The following RYR2 variants were observed in gnomAD, a reference collection of about 807,000 sequenced individuals.
RYR2 encodes cardiac muscle ryanodine receptor-calcium release channel.
In RYR2, 227 loss-of-function variants were observed where a neutral mutation model predicts 601.1. The ratio of observed to expected loss-of-function variants is 0.38; its 90% CI spans 0.34 to 0.42. The LOEUF (loss-of-function observed/expected upper bound fraction) is 0.42. Among genes scored for constraint, RYR2 ranks in the 10% least tolerant of loss-of-function variants. The pLI is 1.00. For missense variants in RYR2, 4,646 were observed against 6,156.5 expected, an observed-to-expected ratio of 0.75 and a Z score of 8.21; for synonymous variants, 2,223 against 2,175.1, an observed-to-expected ratio of 1.02 and a Z score of -0.61.
At chr1:237,574,002 G>A (rs2618677) in intron 29 of RYR2, among the ~76,000 whole-genome samples, 92,745 of 151,780 alleles carry the variant, frequency 0.61, 30,058 homozygotes, top group Non-Finnish European at 0.71. Flanking sequence ...TCAAAACCAC[G>A]CTTACATGGT....
intron 1 of RYR2, among the ~76,000 whole-genome samples, chr1:237,171,825 G>T (rs1274858245): frequency 6.6e-6 from 1 of 152,280 alleles, no homozygotes; most frequent in African/African-American, 2.4e-5. Context: ...TCCCAAACAG[G>T]TTAAAGATTA....
At chr1:237,650,718 C>G (rs948854526) in intron 50 of RYR2, among the ~76,000 whole-genome samples, 1 of 152,202 alleles carries the variant, frequency 6.6e-6, no homozygotes, top group Non-Finnish European at 1.5e-5. Flanking sequence ...CTCAGGGACT[C>G]TTGCAGGTGC....
intron 45 of RYR2, 77 bp downstream of exon 45, chr1:237,638,569 C>T: frequency 1.4e-6 from 2 of 1,465,214 alleles, no homozygotes; most frequent in Non-Finnish European, 1.9e-6. Flanking sequence ...CATCTCAGCA[C>T]TTTCATGAAG....
intron 16 of RYR2, among the ~76,000 whole-genome samples, chr1:237,462,025 C>T (rs1267090519): frequency 6.6e-6 from 1 of 152,046 alleles, no homozygotes; most frequent in African/African-American, 2.4e-5. Flanking sequence ...GCCACATATA[C>T]CTAAATATAT....
intron 1 of RYR2, among the ~76,000 whole-genome samples, chr1:237,044,658 G>A (rs1464182651): frequency 1.7e-5 from 2 of 118,626 alleles, no homozygotes; most frequent in African/African-American, 6.0e-5. Context: ...TTTTTTTTTG[G>A]TATAGCATTA....
At chr1:237,639,627 C>G (rs935321483) in intron 46 of RYR2, among the ~76,000 whole-genome samples, 1 of 152,098 alleles carries the variant, frequency 6.6e-6, no homozygotes, top group Non-Finnish European at 1.5e-5. Flanking sequence ...GTGGTAAAAC[C>G]TAGAAAAGGT....
At chr1:237,802,229 A>T (rs375370143) in intron 98 of RYR2, 10 of 194,728 alleles carry the variant, frequency 5.1e-5, no homozygotes, top group East Asian at 4.8e-4. Context: ...GAAACTCCTA[A>T]ATAATTTTAA....
At chr1:237,625,549 G>A in intron 39 of RYR2, 112 bp from the exon 40 acceptor site, 2 of 1,057,292 alleles carry the variant, frequency 1.9e-6, no homozygotes, top group Non-Finnish European at 2.7e-6. Flanking sequence ...AATGTTAGAT[G>A]TTTTTGACAT....
chr1:237,520,735 G>A (rs947165466), intron 24 of RYR2, among the ~76,000 whole-genome samples: 1 of 152,136 alleles, frequency 6.6e-6, no homozygotes, highest in Non-Finnish European at 1.5e-5. Context: ...GCAATAACAA[G>A]TAGCAAGACT....
At chr1:237,397,470 G>T (rs1256389382) in intron 10 of RYR2, among the ~76,000 whole-genome samples, 2 of 152,160 alleles carry the variant, frequency 1.3e-5, no homozygotes, top group Non-Finnish European at 1.5e-5. Flanking sequence ...TGAATACATG[G>T]AGGTGATATA....
At chr1:237,711,344 A>C (rs560753384) in intron 70 of RYR2, among the ~76,000 whole-genome samples, 39 of 152,332 alleles carry the variant, frequency 2.6e-4, no homozygotes, top group African/African-American at 9.4e-4. Context: ...GTATTTTAAA[A>C]ACAGGTAAAA....
chr1:237,459,974 C>T (rs935244564), intron 16 of RYR2, among the ~76,000 whole-genome samples: 1 of 152,144 alleles, frequency 6.6e-6, no homozygotes, highest in Non-Finnish European at 1.5e-5. Flanking sequence ...AATACCCAAA[C>T]CCAAACTGGC....
chr1:237,676,674 C>T (rs1425950531), intron 60 of RYR2, among the ~76,000 whole-genome samples: 3 of 152,116 alleles, frequency 2.0e-5, no homozygotes, highest in Non-Finnish European at 4.4e-5. Context: ...CTCCCTTTAT[C>T]CTTCACTTTG....
intron 27 of RYR2, among the ~76,000 whole-genome samples, chr1:237,566,329 C>A (rs1672081165): frequency 6.6e-6 from 1 of 152,198 alleles, no homozygotes; most frequent in Admixed American, 6.5e-5. Context: ...ATTCCCCAGT[C>A]TCTCCAGCGC....
At chr1:237,073,945 AT>A (rs1664696070) in intron 1 of RYR2, among the ~76,000 whole-genome samples, 1 of 152,092 alleles carries the variant, frequency 6.6e-6, no homozygotes, top group Non-Finnish European at 1.5e-5. Flanking sequence ...ATTATACAAA[AT>A]ATATGGTTAA....
At chr1:237,632,997 A>T (rs75710717) in intron 42 of RYR2, among the ~76,000 whole-genome samples, 1 of 152,200 alleles carries the variant, frequency 6.6e-6, no homozygotes, top group East Asian at 1.9e-4. Flanking sequence ...GGTCTCAAGG[A>T]AGATGTGTTT....
chr1:237,676,486 C>T (rs1685408471), intron 60 of RYR2, among the ~76,000 whole-genome samples: 2 of 152,118 alleles, frequency 1.3e-5, no homozygotes, highest in South Asian at 4.1e-4. Flanking sequence ...AGAGCCCAGC[C>T]AAATAACCTT....
chr1:237,469,145 G>A lies in RYR2; in HGVS notation c.1666G>A (p.Asp556Asn), dbSNP rs1469603562. 8 of 1,610,804 alleles carry A rather than the reference G, an allele frequency of 5.0e-6. No homozygotes were observed. The highest frequency in any genetic ancestry group is 6.8e-6 in the Non-Finnish European group (8 of 1,178,694). ...CTGTGCTCAATTTTCTGGCTCCCTC[G>A]ACTGGTTGATCAGCAGATTGGAAAG... ...KNCAQFSGSL[D>N]WLISRLERLE... is the part of the protein sequence containing the mutation. Residue 556 changes from aspartate to asparagine, a missense_variant, in exon 17 of 105, where the codon GAC (aspartate) becomes AAC (asparagine). Asp to Asn is a conservative substitution (Grantham distance 23). This residue lies in a region of RYR2 where 1,807 missense variants were observed against 2,088.1 expected (regional missense o/e 0.87). Transcript: ENST00000366574.
intron 10 of RYR2, among the ~76,000 whole-genome samples, chr1:237,400,982 A>G (rs1703301981): frequency 6.6e-6 from 1 of 152,196 alleles, no homozygotes; most frequent in Non-Finnish European, 1.5e-5. Context: ...TGGGACCTCA[A>G]AGAACTGTAT....
Sources: gnomAD v4.1 joint callset for allele counts (sites outside exome capture counted in the v4.1 genomes callset) on GRCh38, gnomAD v4.1.1 for gene constraint, gnomAD v4.1.1 regional missense constraint, MANE v1.5 for transcripts, NCBI Gene and HGNC (gene_info 2026-07-23, HGNC 2026-07-21) for gene names.